The following SLC7A6 variants were observed in gnomAD, a reference collection of about 807,000 sequenced individuals.
The protein encoded by SLC7A6 is Y+L amino acid transporter 2.
SLC7A6 carries 29 observed loss-of-function variants against 46.6 expected under a neutral mutation model. The observed-to-expected ratio is 0.62, with a 90% CI of 0.46 to 0.85. SLC7A6 has a LOEUF of 0.85. SLC7A6 is among the 40% of genes least tolerant of loss of function. The pLI is 0.00. For synonymous variants in SLC7A6, 276 were observed against 257.3 expected (o/e 1.07, Z -0.70); for missense variants, 527 against 647.6 (o/e 0.81, Z 2.02).
intron 3 of SLC7A6, chr16:68,284,406 C>G (rs1301351024): frequency 1.3e-5 from 2 of 152,406 alleles, no homozygotes; most frequent in Non-Finnish European, 2.9e-5. Context: ...CCTTCCCTCT[C>G]CACAGCTTTA....
At position 68,300,085 on chromosome 16, in the gene SLC7A6, C is replaced by T. The variant is rs1431223638; in HGVS notation, c.*2757C>T. ...GAGACACTCACAGGCTATGAGGGTA[C>T]ACCCCTAGCTGAATGTTCTGTGTTG... On this transcript the variant is annotated 3_prime_UTR_variant, in exon 11 of 11. Coordinates refer to ENST00000219343, the MANE Select transcript of SLC7A6 (RefSeq NM_003983.6). 1 of 152,210 alleles carries T rather than the reference C, an allele frequency of 6.6e-6. No individual in the cohort carries two copies. The highest frequency in any genetic ancestry group is 1.5e-5 in the Non-Finnish European group (1 of 68,042). The allele number at this position is 152,210 out of a possible 1,614,324, so 9.4% of individuals were successfully genotyped here. A position where few individuals can be genotyped will look rare whatever the true frequency, so the allele number is the denominator to read the frequency against.
intron 3 of SLC7A6, chr16:68,284,526 A>T: frequency 5.2e-6 from 2 of 384,168 alleles, no homozygotes; most frequent in Non-Finnish European, 7.1e-6. Flanking sequence ...TTTATTCATT[A>T]GTTTAGCACA....
At chr16:68,285,888 TC>T (rs1306994185) in intron 3 of SLC7A6, among the ~76,000 whole-genome samples, 1 of 151,676 alleles carries the variant, frequency 6.6e-6, no homozygotes, top group African/African-American at 2.4e-5. Flanking sequence ...GCCCAGGAGT[TC>T]CAGACCAGCC....
At chr16:68,289,631 T>G (rs1014095206) in intron 4 of SLC7A6, among the ~76,000 whole-genome samples, 2 of 152,166 alleles carry the variant, frequency 1.3e-5, no homozygotes, top group Non-Finnish European at 2.9e-5. Flanking sequence ...CTGGGTCTTG[T>G]TAAAGACCCC....
In SLC7A6 at chr16:68,291,584, G is replaced by A. The variant is rs775651986; in HGVS notation, c.945G>A (p.Met315Ile). The A allele has an allele frequency of 1.2e-6, 2 of 1,614,158 alleles. No individual in the cohort carries two copies. Among genetic ancestry groups the A allele is most frequent in the Admixed American group, 1.7e-5 (1 of 60,020 alleles). ...AVTFADQTFG[M>I]FSWTIPIAVA... ...CATTTGCTGACCAGACGTTTGGCAT[G>A]TTCAGCTGGACCATCCCCATTGCTG... Residue 315 changes from methionine (M) to isoleucine (I), a missense_variant, in exon 7 of 11, where the codon ATG (methionine) becomes ATA (isoleucine). Physicochemically the swap from Met to Ile is conservative, Grantham distance 10. Coordinates refer to ENST00000219343, the MANE Select transcript of SLC7A6 (RefSeq NM_003983.6).
At chr16:68,282,598 G>GCCTTTCTT (rs991027597) in intron 3 of SLC7A6, among the ~76,000 whole-genome samples, 1 of 151,644 alleles carries the variant, frequency 6.6e-6, no homozygotes, top group Non-Finnish European at 1.5e-5. Context: ...TCCCTACCCT[G>GCCTTTCTT]CCTTTCTTCC....
Position 68,296,813 on chromosome 16 carries a change from G to A in SLC7A6, c.1453+3G>A, listed in dbSNP as rs770005861. The A allele has an allele frequency of 3.7e-6, 6 of 1,613,978 alleles. No individual in the cohort carries two copies. Among genetic ancestry groups the A allele is most frequent in the Non-Finnish European group, 4.2e-6 (5 of 1,179,958 alleles). On this transcript the variant is annotated splice_donor_region_variant and intron_variant, in intron 10 of 10. Transcript: ENST00000219343. Reference sequence around the variant, plus strand: ...ATTGTTTATTCGGAATGTCCTGGGTGAGCTTCTCTGTGCCCCATTACTCAC... The same window carrying A: ...ATTGTTTATTCGGAATGTCCTGGGTAAGCTTCTCTGTGCCCCATTACTCAC...
At chr16:68,274,660 C>T in intron 2 of SLC7A6, 31 bp from the exon 3 acceptor site, 1 of 1,580,090 alleles carries the variant, frequency 6.3e-7, no homozygotes, top group Non-Finnish European at 8.6e-7. Flanking sequence ...CAGCTCCTGC[C>T]CTAGACTGAC....
At chr16:68,292,735 T>C (rs150547071) in intron 7 of SLC7A6, 3 of 152,342 alleles carry the variant, frequency 2.0e-5, no homozygotes, top group East Asian at 1.9e-4. Context: ...TGTTAAGAGT[T>C]TGGCTTCTAC....
At chr16:68,270,950 C>T (rs549721072) in intron 2 of SLC7A6, among the ~76,000 whole-genome samples, 2 of 151,922 alleles carry the variant, frequency 1.3e-5, no homozygotes, top group African/African-American at 4.8e-5. Flanking sequence ...CCCTGACCTC[C>T]TTGGCTCAAG....
At chr16:68,287,320 T>C (rs527484711) in intron 3 of SLC7A6, 1 of 1,289,234 alleles carries the variant, frequency 7.8e-7, no homozygotes, top group East Asian at 5.5e-5. Context: ...TCTAATTTCT[T>C]AGGTAACCTG....
intron 1 of SLC7A6, among the ~76,000 whole-genome samples, chr16:68,266,270 GA>G (rs1312378877): frequency 1.3e-5 from 2 of 151,802 alleles, no homozygotes; most frequent in African/African-American, 2.4e-5. Context: ...CAAAAAAAAA[GA>G]AAAAAAGTTA....
At position 68,274,996 on chromosome 16, in the gene SLC7A6, C is replaced by G. The variant is rs1291573275; in HGVS notation, c.270C>G (p.Phe90Leu). ...TTGTGTGGGCCATTGGTGGGCTCTT[C>G]TCTGTTGTGGGTGCCCTTTGTTATG... is the stretch of plus-strand genomic sequence containing the variant. ...SLIVWAIGGL[F>L]SVVGALCYAE... The change falls in exon 3 of 11, where the codon TTC becomes TTG. Residue 90 changes from phenylalanine to leucine, a missense_variant. Transcript: ENST00000219343. 3 of 1,614,206 alleles carry G rather than the reference C, an allele frequency of 1.9e-6. No individual in the cohort carries two copies. Among genetic ancestry groups the G allele is most frequent in the Non-Finnish European group, 8.5e-7 (1 of 1,180,040 alleles).
chr16:68,285,965 T>C (rs1476547179), intron 3 of SLC7A6, among the ~76,000 whole-genome samples: 1 of 150,980 alleles, frequency 6.6e-6, no homozygotes, highest in Non-Finnish European at 1.5e-5. Context: ...GGTGTGGTGG[T>C]GTGCACCTGT....
At chr16:68,287,255 G>C in intron 3 of SLC7A6, 1 of 1,171,520 alleles carries the variant, frequency 8.5e-7, no homozygotes, top group South Asian at 1.4e-5. Context: ...TGGGATTACA[G>C]GTGTGAGCCA....
intron 2 of SLC7A6, among the ~76,000 whole-genome samples, chr16:68,269,066 C>G (rs572764757): frequency 3.7e-4 from 57 of 152,132 alleles, no homozygotes; most frequent in African/African-American, 1.4e-3. Context: ...TGATATTGCC[C>G]CACAGGTTGA....
chr16:68,295,788 C>G (rs966543276), intron 8 of SLC7A6, among the ~76,000 whole-genome samples: 4 of 152,178 alleles, frequency 2.6e-5, no homozygotes, highest in Non-Finnish European at 5.9e-5. Context: ...CTGGATGGAT[C>G]CATTTTGCTA....
intron 3 of SLC7A6, among the ~76,000 whole-genome samples, chr16:68,280,586 TAA>T (rs36011969): frequency 2.9e-4 from 43 of 149,694 alleles, no homozygotes; most frequent in East Asian, 5.9e-4. Context: ...GTAGCTTCTT[TAA>T]AAAAAAAAAA....
intron 2 of SLC7A6, among the ~76,000 whole-genome samples, chr16:68,268,961 C>T (rs921315024): frequency 5.3e-5 from 8 of 151,896 alleles, no homozygotes; most frequent in African/African-American, 1.2e-4. Context: ...GAGCCAAGAT[C>T]GCGTCATTGC....
Sources: gnomAD v4.1 joint callset for allele counts (sites outside exome capture counted in the v4.1 genomes callset) on GRCh38, gnomAD v4.1.1 for gene constraint, MANE v1.5 for transcripts, NCBI Gene and HGNC (gene_info 2026-07-23, HGNC 2026-07-21) for gene names.